The following NPAT variants were observed in gnomAD, a reference collection of about 807,000 sequenced individuals.
The protein encoded by NPAT is protein NPAT.
Under a neutral mutation model 130.7 loss-of-function variants are expected in NPAT, and 52 were observed. That is an observed-to-expected ratio of 0.40 (90% CI 0.32 to 0.50). NPAT has a LOEUF of 0.50. Ranked by LOEUF, NPAT falls within the 20% of genes least tolerant of loss-of-function variation. The probability of loss-of-function intolerance (pLI) is 0.68; values close to 1 mark genes in which losing one functional copy is unlikely to be tolerated. For missense variants in NPAT, 1,687 were observed against 1,662.6 expected (o/e 1.01, Z -0.26); for synonymous variants, 580 against 584.8 (o/e 0.99, Z 0.12).
In NPAT at chr11:108,191,104, A is replaced by C. The variant is rs567996873; in HGVS notation, c.291-604T>G. On this transcript the variant is annotated intron_variant, in intron 4 of 17. Coordinates refer to ENST00000278612, the MANE Select transcript of NPAT (RefSeq NM_002519.3). ...AACAGAAGATAATTTAACTTTAGAA[A>C]CTCTACATATTAACATTTTTGAGTA... 2.0e-5 allele frequency among the ~76,000 whole-genome samples: 3 copies of C among 152,196 alleles called. No individual in the cohort carries two copies. The South Asian group carries it at 6.2e-4, about 32-fold the overall frequency.
rs1442252352 is a variant in NPAT, at chr11:108,158,547, A to G, written c.*395T>C. ...TAAGAATAAGCATCATTTTCCTCCA[A>G]AACAAGTGAGAAACTATTCCAGATG... is the stretch of plus-strand genomic sequence containing the variant. On this transcript the variant is annotated 3_prime_UTR_variant, in exon 18 of 18. Coordinates refer to ENST00000278612, the MANE Select transcript of NPAT (RefSeq NM_002519.3). 6.1e-6 allele frequency: 1 copy of G among 164,438 alleles called. No individual in the cohort carries two copies. Among genetic ancestry groups the G allele is most frequent in the Non-Finnish European group, 1.3e-5 (1 of 75,570 alleles). The allele number at this position is 164,438 out of a possible 1,614,324, so 10.2% of individuals were successfully genotyped here. A position where few individuals can be genotyped will look rare whatever the true frequency, so the allele number is the denominator to read the frequency against.
rs761149103 is a variant in NPAT, at chr11:108,176,415, C to T, written c.1004-41G>A. On this transcript the variant is annotated intron_variant, in intron 11 of 17. Transcript: ENST00000278612. ...TATGGAAATAATTAAATGACCAAAA[C>T]AAAAAATAAACATCAATGAATACAG... 2.1e-6 allele frequency: 3 copies of T among 1,400,788 alleles called. No individual in the cohort carries two copies. In the African/African-American group the frequency reaches 4.2e-5, roughly 20 times the overall value. The allele number at this position is 1,400,788 out of a possible 1,614,324, so 86.8% of individuals were successfully genotyped here. A position where few individuals can be genotyped will look rare whatever the true frequency, so the allele number is the denominator to read the frequency against.
chr11:108,160,038 C>A (rs768373130), intron 17 of NPAT, among the ~76,000 whole-genome samples: 2 of 151,714 alleles, frequency 1.3e-5, no homozygotes, highest in Admixed American at 1.3e-4. Flanking sequence ...GTAATCCCAG[C>A]TACTCAGGGG....
intron 4 of NPAT, 40 bp downstream of exon 4, chr11:108,192,078 G>T: frequency 7.6e-7 from 1 of 1,310,174 alleles, no homozygotes; most frequent in Non-Finnish European, 1.1e-6. Flanking sequence ...AAGTGTATTT[G>T]CATTCCAAAA....
At chr11:108,202,326 C>A (rs1227096974) in intron 1 of NPAT, among the ~76,000 whole-genome samples, 2 of 152,114 alleles carry the variant, frequency 1.3e-5, no homozygotes, top group Non-Finnish European at 2.9e-5. Flanking sequence ...ACTAAGGTGG[C>A]AGACCAAGCA....
intron 1 of NPAT, among the ~76,000 whole-genome samples, chr11:108,216,773 G>A (rs2078439280): frequency 6.6e-6 from 1 of 152,078 alleles, no homozygotes; most frequent in African/African-American, 2.4e-5. Flanking sequence ...AAGTTATAAT[G>A]TATCTCAAAA....
intron 13 of NPAT, chr11:108,170,341 G>C (rs1477469049): frequency 2.7e-6 from 1 of 371,910 alleles, no homozygotes; most frequent in Non-Finnish European, 5.1e-6. Context: ...CTACAGCCAA[G>C]ACATCATATT....
chr11:108,189,952 T>C (rs766233281), intron 5 of NPAT, among the ~76,000 whole-genome samples: 5 of 151,268 alleles, frequency 3.3e-5, no homozygotes, highest in Admixed American at 6.6e-5. Context: ...ATGTGAAATG[T>C]AGGGAGTATT....
chr11:108,188,190 A>C lies in NPAT; in HGVS notation c.557-11T>G. On this transcript the variant is annotated splice_polypyrimidine_tract_variant and intron_variant, in intron 6 of 17. Transcript: ENST00000278612. The stretch of plus-strand genomic sequence containing the variant: ...TTAAAGCTTCTCCAGCTGTATTTCA[A>C]GAAAACATAACAGTAAGCCAAAGAA... The C allele has an allele frequency of 6.2e-7, 1 of 1,606,910 alleles. No individual in the cohort carries two copies.
intron 15 of NPAT, among the ~76,000 whole-genome samples, chr11:108,168,307 A>T (rs1369602816): frequency 6.6e-6 from 1 of 152,228 alleles, no homozygotes; most frequent in Non-Finnish European, 1.5e-5. Context: ...AAGTCCACTG[A>T]TAGGACATAT....
In NPAT at chr11:108,173,870, G is replaced by A; in HGVS notation, c.1133-19C>T. ...TGACCATCTGCAAAGTATCAGGCAG[G>A]TAGACAGATATGGTAAATATGTTCA... On this transcript the variant is annotated intron_variant, in intron 12 of 17. Transcript: ENST00000278612. 1 of 1,602,084 alleles carries A rather than the reference G, an allele frequency of 6.2e-7. No homozygotes were observed. The highest frequency in any genetic ancestry group is 2.2e-5 in the East Asian group (1 of 44,816).
intron 15 of NPAT, among the ~76,000 whole-genome samples, chr11:108,169,006 T>C (rs563558474): frequency 6.6e-6 from 1 of 152,154 alleles, no homozygotes; most frequent in East Asian, 1.9e-4. Flanking sequence ...CATATTCAGA[T>C]TTGTATTTTA....
chr11:108,215,552 G>T (rs773996825), intron 1 of NPAT, among the ~76,000 whole-genome samples: 1 of 152,134 alleles, frequency 6.6e-6, no homozygotes, highest in Non-Finnish European at 1.5e-5. Flanking sequence ...TATGTCTAAC[G>T]TCTCTTCCAA....
chr11:108,161,215 A>T lies in NPAT; in HGVS notation c.3871T>A (p.Ser1291Thr). Reference protein sequence around the residue: ...EEPIDIIKAPSSRRFSEDSST... With the variant: ...EEPIDIIKAPTSRRFSEDSST... ...CTGTCTTCACTGAAACGCCTACTAG[A>T]GGGGGCCTTGATAATATCTATAGGT... The change falls in exon 17 of 18, where the codon TCT (serine) becomes ACT (threonine). Residue 1291 changes from serine to threonine, a missense_variant. Ser to Thr is a moderately conservative substitution (Grantham distance 58, BLOSUM62 1). Around this residue, in one of 3 missense-constraint regions of NPAT, gnomAD observed 1,379 missense variants for 1,346.6 expected, o/e 1.02. Coordinates refer to ENST00000278612, the MANE Select transcript of NPAT (RefSeq NM_002519.3). 1 of 1,614,094 alleles carries T rather than the reference A, an allele frequency of 6.2e-7. No homozygotes were observed.
Position 108,169,831 on chromosome 11 carries a change from C to T in NPAT, c.2923G>A (p.Ala975Thr). 6.2e-7 allele frequency: 1 copy of T among 1,613,938 alleles called. No homozygotes were observed. Among genetic ancestry groups the T allele is most frequent in the South Asian group, 1.1e-5 (1 of 91,076 alleles). Residue 975 changes from alanine to threonine, a missense_variant, in exon 15 of 18, where the codon GCA (alanine) becomes ACA (threonine). Coordinates refer to ENST00000278612, the MANE Select transcript of NPAT (RefSeq NM_002519.3). Reference sequence around the variant, plus strand: ...GGGATACTTCTATTGCATACAGGTGCTGTCAAAGGCATATGAAGAACCTGG... The same window carrying T: ...GGGATACTTCTATTGCATACAGGTGTTGTCAAAGGCATATGAAGAACCTGG... ...PRQVLHMPLT[A>T]PVCNRSIPQF...
At chr11:108,177,427 TG>T (rs1320393163) in intron 10 of NPAT, among the ~76,000 whole-genome samples, 1 of 152,118 alleles carries the variant, frequency 6.6e-6, no homozygotes, top group East Asian at 1.9e-4. Context: ...CCCAGAGCAC[TG>T]GGATTATAGA....
At chr11:108,177,827 C>A (rs892748154) in intron 10 of NPAT, among the ~76,000 whole-genome samples, 1 of 152,044 alleles carries the variant, frequency 6.6e-6, no homozygotes, top group African/African-American at 2.4e-5. Flanking sequence ...CTCAGGTGAT[C>A]CTCTCACCTC....
At chr11:108,213,910 CAG>C (rs1476810009) in intron 1 of NPAT, among the ~76,000 whole-genome samples, 1 of 152,020 alleles carries the variant, frequency 6.6e-6, no homozygotes, top group African/African-American at 2.4e-5. Flanking sequence ...TTTTCAGAGA[CAG>C]AGTCTTGCTC....
chr11:108,172,024 AAAAT>A, intron 13 of NPAT, 171 bp downstream of exon 13: 1 of 623,626 alleles, frequency 1.6e-6, no homozygotes, highest in Non-Finnish European at 2.8e-6. Context: ...CAGATTAAGA[AAAAT>A]AAAAAAGGTT....
Sources: allele counts gnomAD v4.1 joint callset (sites outside exome capture counted in the v4.1 genomes callset), GRCh38; gene constraint gnomAD v4.1.1; regional missense constraint gnomAD v4.1.1; transcripts MANE v1.5; gene names NCBI Gene and HGNC (gene_info 2026-07-23, HGNC 2026-07-21).